Variants in ATRNL1 observed in about 807,000 individuals in gnomAD.
The protein encoded by ATRNL1 is attractin-like protein 1.
Under a neutral mutation model 182.7 loss-of-function variants are expected in ATRNL1, and 95 were observed. The ratio of observed to expected loss-of-function variants is 0.52; its 90% confidence interval spans 0.44 to 0.62. The LOEUF is 0.62. Among genes scored for constraint, ATRNL1 ranks in the 20% least tolerant of loss-of-function variants. The pLI is 0.00. For missense variants in ATRNL1, 1,471 were observed against 1,679.5 expected (o/e 0.88, Z 2.17); for synonymous variants, 576 against 568.3 (o/e 1.01, Z -0.19).
intron 19 of ATRNL1, among the ~76,000 whole-genome samples, chr10:115,366,747 G>A (rs1167565853): frequency 6.6e-6 from 1 of 151,660 alleles, no homozygotes; most frequent in African/African-American, 2.4e-5. Context: ...TTGCTTGTCT[G>A]TAAAGTATTT....
intron 5 of ATRNL1, among the ~76,000 whole-genome samples, chr10:115,131,849 G>A (rs1554875266): frequency 6.6e-6 from 1 of 152,130 alleles, no homozygotes; most frequent in East Asian, 1.9e-4. Context: ...AAAAATGAGT[G>A]TTACCCTCTA....
chr10:115,489,056 G>A lies in ATRNL1; in HGVS notation c.3654+19727G>A, dbSNP rs797035148. ...GGTTTTGAGTGAGTTTCTTAATCTTGAGTTCTAATTTGATTGCACTGTGTC... is the reference window on the plus strand; with the variant it reads ...GGTTTTGAGTGAGTTTCTTAATCTTAAGTTCTAATTTGATTGCACTGTGTC... On this transcript the variant is annotated intron_variant, in intron 24 of 28. Coordinates refer to ENST00000355044, the MANE Select transcript of ATRNL1 (RefSeq NM_207303.4). 5.3e-5 allele frequency among the ~76,000 whole-genome samples: 8 copies of A among 152,224 alleles called. 1 individual carries two copies. Among genetic ancestry groups the A allele is most frequent in the African/African-American group, 1.9e-4 (8 of 41,540 alleles).
chr10:115,700,126 G>A (rs1220599398), intron 26 of ATRNL1, among the ~76,000 whole-genome samples: 1 of 152,050 alleles, frequency 6.6e-6, no homozygotes, highest in Non-Finnish European at 1.5e-5. Context: ...CTTTACCATT[G>A]TGAATTGTAC....
At chr10:115,221,033 T>C (rs1478678581) in intron 9 of ATRNL1, among the ~76,000 whole-genome samples, 1 of 152,172 alleles carries the variant, frequency 6.6e-6, no homozygotes, top group South Asian at 2.1e-4. Flanking sequence ...CCTCAGATCA[T>C]CAAGCATTAG....
chr10:115,619,166 A>G (rs1857588659), intron 26 of ATRNL1, among the ~76,000 whole-genome samples: 1 of 152,028 alleles, frequency 6.6e-6, no homozygotes, highest in African/African-American at 2.4e-5. Context: ...TGCTGGGGAC[A>G]GGGACATCAG....
At chr10:115,746,593 A>G (rs909340629) in intron 27 of ATRNL1, among the ~76,000 whole-genome samples, 1 of 152,060 alleles carries the variant, frequency 6.6e-6, no homozygotes, top group Non-Finnish European at 1.5e-5. Context: ...TTTATTCACT[A>G]TAATATATTT....
At chr10:115,160,242 GT>G in intron 6 of ATRNL1, 28 bp downstream of exon 6, 1 of 1,541,442 alleles carries the variant, frequency 6.5e-7, no homozygotes, top group Non-Finnish European at 8.8e-7. Flanking sequence ...GATTCTTGCT[GT>G]TTTTTAAGCT....
At chr10:115,294,563 A>G (rs533908560) in intron 15 of ATRNL1, among the ~76,000 whole-genome samples, 1 of 151,504 alleles carries the variant, frequency 6.6e-6, no homozygotes, top group South Asian at 2.1e-4. Context: ...ATTATTTTGA[A>G]TTTTCTTTCT....
chr10:115,164,481 T>C (rs1322760404), intron 6 of ATRNL1, among the ~76,000 whole-genome samples: 2 of 152,156 alleles, frequency 1.3e-5, no homozygotes, highest in African/African-American at 4.8e-5. Flanking sequence ...CTGCTAGATA[T>C]GTAGCCAAAA....
chr10:115,118,319 G>A lies in ATRNL1; in HGVS notation c.294-1866G>A, dbSNP rs7099174. On this transcript the variant is annotated intron_variant, in intron 1 of 28. Transcript: ENST00000355044. ...GTTTCCCCAATGTTTTCTTGTAGTAGTTTCATATGCTTAACTACCTGTTAT... is the reference window on the plus strand; with the variant it reads ...GTTTCCCCAATGTTTTCTTGTAGTAATTTCATATGCTTAACTACCTGTTAT... Among the ~76,000 whole-genome samples the A allele has an allele frequency of 5.9e-4, 90 of 152,146 alleles. 1 individual carries two copies. The highest frequency in any genetic ancestry group is 2.0e-3 in the African/African-American group (81 of 41,508).
At chr10:115,480,365 C>T (rs545294910) in intron 24 of ATRNL1, among the ~76,000 whole-genome samples, 26 of 151,118 alleles carry the variant, frequency 1.7e-4, no homozygotes, top group Admixed American at 7.9e-4. Flanking sequence ...TTTAAATTGA[C>T]ACAGAACACT....
At chr10:115,412,631 T>G (rs1474862660) in intron 20 of ATRNL1, among the ~76,000 whole-genome samples, 1 of 152,184 alleles carries the variant, frequency 6.6e-6, no homozygotes, top group Non-Finnish European at 1.5e-5. Context: ...ATTCCTTAAG[T>G]GTTTTCAGAC....
chr10:115,467,698 C>A (rs2134556759), intron 23 of ATRNL1, among the ~76,000 whole-genome samples: 1 of 150,370 alleles, frequency 6.7e-6, no homozygotes, highest in Non-Finnish European at 1.5e-5. Flanking sequence ...AAAATATAAC[C>A]CCTCTTGTCA....
chr10:115,638,171 G>T (rs1258960947), intron 26 of ATRNL1, among the ~76,000 whole-genome samples: 1 of 151,734 alleles, frequency 6.6e-6, no homozygotes, highest in African/African-American at 2.4e-5. Context: ...CTTTTATCCT[G>T]TATTTTTACT....
intron 10 of ATRNL1, among the ~76,000 whole-genome samples, chr10:115,244,616 A>C (rs1418280654): frequency 6.6e-6 from 1 of 152,224 alleles, no homozygotes; most frequent in Non-Finnish European, 1.5e-5. Flanking sequence ...ATATGACATG[A>C]CACATTTCTT....
chr10:115,457,700 C>T (rs945900513), intron 21 of ATRNL1, among the ~76,000 whole-genome samples: 33 of 152,138 alleles, frequency 2.2e-4, no homozygotes, highest in African/African-American at 7.2e-4. Flanking sequence ...AATGATCCCG[C>T]CACCACATGT....
At chr10:115,273,047 G>T (rs1350189657) in intron 13 of ATRNL1, among the ~76,000 whole-genome samples, 3 of 152,188 alleles carry the variant, frequency 2.0e-5, no homozygotes, top group Non-Finnish European at 4.4e-5. Flanking sequence ...GATTGAAGCT[G>T]TATCAACCTT....
chr10:115,586,781 G>T (rs369212919), intron 26 of ATRNL1, among the ~76,000 whole-genome samples: 7,638 of 116,124 alleles, frequency 0.066, 1,217 homozygotes, highest in African/African-American at 0.2. Context: ...GTCCAGCTTT[G>T]TTCCATTGCT....
chr10:115,139,459 G>A (rs1554877510), intron 5 of ATRNL1, among the ~76,000 whole-genome samples: 1 of 152,190 alleles, frequency 6.6e-6, no homozygotes, highest in East Asian at 1.9e-4. Flanking sequence ...AATCATGGTG[G>A]AAGGTGGAAG....
Sources: allele counts gnomAD v4.1 joint callset (sites outside exome capture counted in the v4.1 genomes callset), GRCh38; gene constraint gnomAD v4.1.1; transcripts MANE v1.5; gene names NCBI Gene and HGNC (gene_info 2026-07-23, HGNC 2026-07-21).